UTRN: variants seen among roughly 807,000 people sequenced by gnomAD.
UTRN encodes the protein dystrophin-related protein 1.
In UTRN, 283 loss-of-function variants were observed where a neutral mutation model predicts 463.9. The observed-to-expected ratio is 0.61, with a 90% CI of 0.55 to 0.67. The LOEUF is 0.67. Ranked by LOEUF, UTRN falls within the 30% of genes least tolerant of loss-of-function variation. The probability of loss-of-function intolerance (pLI) is 0.00; values close to 1 mark genes in which losing one functional copy is unlikely to be tolerated. For synonymous variants in UTRN, 1,442 were observed against 1,431.5 expected (o/e 1.01, Z -0.17); for missense variants, 3,922 against 4,084.3 (o/e 0.96, Z 1.08).
At chr6:144,323,661 C>T (rs909465453) in intron 2 of UTRN, among the ~76,000 whole-genome samples, 1 of 152,018 alleles carries the variant, frequency 6.6e-6, no homozygotes, top group African/African-American at 2.4e-5. Context: ...CTTTCTCTTC[C>T]TTGTTCTCTC....
intron 2 of UTRN, among the ~76,000 whole-genome samples, chr6:144,322,613 A>T (rs1252085801): frequency 6.6e-6 from 1 of 152,150 alleles, no homozygotes; most frequent in Non-Finnish European, 1.5e-5. Flanking sequence ...TGAAACTAAC[A>T]TCCTGGTGGG....
chr6:144,507,133 C>G (rs1794756478), intron 34 of UTRN, among the ~76,000 whole-genome samples: 1 of 151,806 alleles, frequency 6.6e-6, no homozygotes, highest in African/African-American at 2.4e-5. Flanking sequence ...ATGTTCTTCT[C>G]TAAATTGGTT....
intron 2 of UTRN, among the ~76,000 whole-genome samples, chr6:144,313,982 C>G (rs1423581208): frequency 1.3e-5 from 2 of 151,986 alleles, no homozygotes; most frequent in Non-Finnish European, 2.9e-5. Flanking sequence ...CTTTAATACA[C>G]TAGGAGTAGA....
intron 35 of UTRN, among the ~76,000 whole-genome samples, chr6:144,511,419 G>C (rs1014659144): frequency 2.0e-5 from 3 of 151,862 alleles, no homozygotes; most frequent in Non-Finnish European, 4.4e-5. Flanking sequence ...TTTGATTTTC[G>C]TACTATCAGA....
At chr6:144,786,442 C>T (rs1236497776) in intron 61 of UTRN, among the ~76,000 whole-genome samples, 4 of 152,110 alleles carry the variant, frequency 2.6e-5, no homozygotes, top group African/African-American at 4.8e-5. Context: ...CGCGCCACCA[C>T]GCCCAGCTAA....
chr6:144,504,386 A>G (rs569948426), intron 34 of UTRN, among the ~76,000 whole-genome samples: 5 of 152,236 alleles, frequency 3.3e-5, no homozygotes, highest in African/African-American at 4.8e-5. Context: ...TGTCATAAAT[A>G]GCTTTTATTA....
intron 53 of UTRN, among the ~76,000 whole-genome samples, chr6:144,701,412 C>G (rs1784582401): frequency 6.6e-6 from 1 of 151,502 alleles, no homozygotes; most frequent in South Asian, 2.1e-4. Flanking sequence ...TCTTTGATTA[C>G]ATTTTTATAC....
At chr6:144,485,246 G>A (rs947431589) in intron 27 of UTRN, 139 bp from the exon 28 acceptor site, 5 of 1,299,070 alleles carry the variant, frequency 3.8e-6, no homozygotes, top group Non-Finnish European at 4.2e-6. Context: ...TTTTTTTGAA[G>A]TTTCAACTCC....
chr6:144,572,946 G>C (rs1585340137), intron 50 of UTRN, among the ~76,000 whole-genome samples: 2 of 152,156 alleles, frequency 1.3e-5, no homozygotes, highest in Middle Eastern at 3.4e-3. Flanking sequence ...TGGTATTTCT[G>C]GTTCTAGATC....
rs1780365970 is a variant in UTRN at position 144,666,123 on chromosome 6, C to T, written c.7480-12283C>T. The stretch of plus-strand genomic sequence containing the variant: ...CCCAGCTGTGCAGTGAGAGCCAGCC[C>T]TCTTTCATGGAACTTTAATTTATTG... On this transcript the variant is annotated intron_variant, in intron 51 of 74. Coordinates refer to ENST00000367545, the MANE Select transcript of UTRN (RefSeq NM_007124.3). 3.3e-5 allele frequency among the ~76,000 whole-genome samples: 5 copies of T among 152,300 alleles called. No individual in the cohort carries two copies. In the South Asian group the frequency reaches 1.0e-3, roughly 32 times the overall value.
At chr6:144,491,893 T>C (rs946533430) in intron 32 of UTRN, among the ~76,000 whole-genome samples, 1 of 152,184 alleles carries the variant, frequency 6.6e-6, no homozygotes, top group Non-Finnish European at 1.5e-5. Context: ...GAGATGATGA[T>C]GTATAGGTGT....
At chr6:144,368,351 T>C (rs1460615995) in intron 2 of UTRN, among the ~76,000 whole-genome samples, 1 of 152,206 alleles carries the variant, frequency 6.6e-6, no homozygotes, top group Non-Finnish European at 1.5e-5. Flanking sequence ...GAGTAGATGC[T>C]CAATAAATAT....
chr6:144,293,393 G>A (rs986621374), intron 2 of UTRN, among the ~76,000 whole-genome samples: 4 of 152,014 alleles, frequency 2.6e-5, no homozygotes, highest in African/African-American at 9.7e-5. Context: ...TATATATAAT[G>A]AACATATAAA....
chr6:144,617,792 G>A (rs1806294820), intron 51 of UTRN, among the ~76,000 whole-genome samples: 2 of 152,104 alleles, frequency 1.3e-5, no homozygotes, highest in Admixed American at 6.6e-5. Context: ...CATTGAATAA[G>A]CTGCACAGAG....
At chr6:144,640,775 T>A (rs1415856716) in intron 51 of UTRN, among the ~76,000 whole-genome samples, 1 of 152,230 alleles carries the variant, frequency 6.6e-6, no homozygotes, top group African/African-American at 2.4e-5. Context: ...GCTTCTCAAC[T>A]GTGATCCTCA....
chr6:144,672,425 T>C (rs1346029780), intron 51 of UTRN, among the ~76,000 whole-genome samples: 1 of 152,102 alleles, frequency 6.6e-6, no homozygotes, highest in Non-Finnish European at 1.5e-5. Context: ...CTCCTCTGTG[T>C]TTTCTAGCTT....
At chr6:144,801,629 C>T (rs1055905031) in intron 64 of UTRN, among the ~76,000 whole-genome samples, 3 of 152,032 alleles carry the variant, frequency 2.0e-5, no homozygotes, top group African/African-American at 4.8e-5. Flanking sequence ...CTTAGATTTA[C>T]ATAATGTTTT....
At chr6:144,362,978 G>A (rs1225957899) in intron 2 of UTRN, among the ~76,000 whole-genome samples, 1 of 152,032 alleles carries the variant, frequency 6.6e-6, no homozygotes, top group Non-Finnish European at 1.5e-5. Flanking sequence ...TATTATGTGG[G>A]TTTGCTATTT....
intron 3 of UTRN, among the ~76,000 whole-genome samples, chr6:144,417,721 T>C (rs1044511225): frequency 8.5e-5 from 13 of 152,230 alleles, no homozygotes; most frequent in African/African-American, 2.4e-4. Context: ...TAAAGTTTCA[T>C]TGGAAGATAG....
Sources: gnomAD v4.1 joint callset for allele counts (sites outside exome capture counted in the v4.1 genomes callset) on GRCh38, gnomAD v4.1.1 for gene constraint, MANE v1.5 for transcripts, NCBI Gene and HGNC (gene_info 2026-07-23, HGNC 2026-07-21) for gene names.